The following NACC2 variants were observed in gnomAD, a reference collection of about 807,000 sequenced individuals.
The protein encoded by NACC2 is NACC family member 2.
NACC2 carries 8 observed loss-of-function variants against 25.1 expected under a neutral mutation model. That is an observed-to-expected ratio of 0.32 (90% CI 0.19 to 0.57). The LOEUF (loss-of-function observed/expected upper bound fraction) is 0.57, where lower values mean the gene tolerates loss of function less well. NACC2 is among the 20% of genes least tolerant of loss of function. The probability of loss-of-function intolerance (pLI) is 0.89; values close to 1 mark genes in which losing one functional copy is unlikely to be tolerated. For missense variants in NACC2, 644 were observed against 650.2 expected (o/e 0.99, Z 0.10); for synonymous variants, 435 against 294.7 (o/e 1.48, Z -4.88).
chr9:136,090,198 GC>G lies in NACC2; in HGVS notation c.-60+4990del, dbSNP rs377649244. Among the ~76,000 whole-genome samples, 99 of 152,348 alleles carry G rather than the reference GC, an allele frequency of 6.5e-4. No individual in the cohort carries two copies. The South Asian group carries it at 0.013, about 21-fold the overall frequency. ...GGGTGGTAGAAGGGAGATGGGCACA[GC>G]CCCCGAGGCAGATGCCCAGGGCCTG... On this transcript the variant is annotated intron_variant, in intron 1 of 5. Coordinates refer to ENST00000277554, the MANE Select transcript of NACC2 (RefSeq NM_144653.5).
intron 1 of NACC2, among the ~76,000 whole-genome samples, chr9:136,057,252 A>G (rs1840939085): frequency 6.6e-6 from 1 of 152,350 alleles, no homozygotes; most frequent in African/African-American, 2.4e-5. Context: ...GGCCACCAAC[A>G]CGCTCATCTC....
At chr9:136,061,584 G>A (rs1020389824) in intron 1 of NACC2, among the ~76,000 whole-genome samples, 6 of 152,118 alleles carry the variant, frequency 3.9e-5, no homozygotes, top group Admixed American at 1.3e-4. Context: ...GTACACGTTC[G>A]GGGGTTGAGA....
chr9:136,035,578 C>G (rs1171044722), intron 2 of NACC2, among the ~76,000 whole-genome samples: 1 of 152,190 alleles, frequency 6.6e-6, no homozygotes, highest in African/African-American at 2.4e-5. Context: ...GAAAAAACCA[C>G]TGCTCTAAAG....
intron 1 of NACC2, among the ~76,000 whole-genome samples, chr9:136,070,317 C>G (rs1008521900): frequency 2.0e-5 from 3 of 150,846 alleles, no homozygotes; most frequent in African/African-American, 7.4e-5. Context: ...ACCAGCCTGG[C>G]CAAGATGGTG....
At chr9:136,015,838 G>T (rs1401959394) in intron 3 of NACC2, among the ~76,000 whole-genome samples, 1 of 152,202 alleles carries the variant, frequency 6.6e-6, no homozygotes, top group Non-Finnish European at 1.5e-5. Flanking sequence ...CCTGAGCGAG[G>T]CCCGGCCCCC....
intron 2 of NACC2, among the ~76,000 whole-genome samples, chr9:136,030,309 T>A (rs1840455141): frequency 6.6e-6 from 1 of 152,068 alleles, no homozygotes; most frequent in Admixed American, 6.5e-5. Flanking sequence ...ATTCAGAAGA[T>A]CTTAAAGAGG....
chr9:136,034,652 G>T (rs1301888057), intron 2 of NACC2, among the ~76,000 whole-genome samples: 1 of 146,682 alleles, frequency 6.8e-6, no homozygotes, highest in African/African-American at 2.6e-5. Context: ...GCAAGAAAAT[G>T]CTTTAAAAAA....
intron 1 of NACC2, among the ~76,000 whole-genome samples, chr9:136,066,592 G>A (rs865882998): frequency 6.6e-5 from 10 of 152,284 alleles, no homozygotes; most frequent in African/African-American, 2.4e-4. Flanking sequence ...TCCTCAAAAG[G>A]TCAAATAGAA....
chr9:136,041,108 G>GAAGCAAAGGA (rs2131154568), intron 2 of NACC2, among the ~76,000 whole-genome samples: 1 of 151,834 alleles, frequency 6.6e-6, no homozygotes, highest in South Asian at 2.1e-4. Flanking sequence ...GGAAAGGAAG[G>GAAGCAAAGGA]AAGGAAAGGA....
intron 2 of NACC2, among the ~76,000 whole-genome samples, chr9:136,027,977 C>T (rs962928672): frequency 2.6e-5 from 4 of 152,084 alleles, no homozygotes; most frequent in African/African-American, 9.7e-5. Flanking sequence ...AAATTAACAT[C>T]GGCCTGGCAC....
intron 2 of NACC2, among the ~76,000 whole-genome samples, chr9:136,017,315 A>T (rs1404148706): frequency 6.6e-6 from 1 of 152,138 alleles, no homozygotes; most frequent in Non-Finnish European, 1.5e-5. Flanking sequence ...TGCCACCCCG[A>T]GGTCCCTGGG....
chr9:136,080,692 GGA>G (rs1488845094), intron 1 of NACC2, among the ~76,000 whole-genome samples: 1 of 152,194 alleles, frequency 6.6e-6, no homozygotes, highest in Non-Finnish European at 1.5e-5. Context: ...TATCTGATTT[GGA>G]GGTCGTGGAG....
At chr9:136,072,779 G>A (rs1037444099) in intron 1 of NACC2, among the ~76,000 whole-genome samples, 38 of 152,132 alleles carry the variant, frequency 2.5e-4, no homozygotes, top group Admixed American at 1.2e-3. Flanking sequence ...GAACTCAGGA[G>A]GCGGAGGCTG....
chr9:136,057,229 AGGCAT>A (rs1935034926), intron 1 of NACC2, among the ~76,000 whole-genome samples: 1 of 152,220 alleles, frequency 6.6e-6, no homozygotes, highest in Non-Finnish European at 1.5e-5. Context: ...GGCTCACCTG[AGGCAT>A]GGCCCCTGGC....
In NACC2 at chr9:136,019,500, A is replaced by G. The variant is rs1340834326; in HGVS notation, c.887-3071T>C. 2 of 152,304 alleles carry G rather than the reference A, an allele frequency of 1.3e-5. No individual in the cohort carries two copies. The highest frequency in any genetic ancestry group is 2.4e-5 in the African/African-American group (1 of 41,468). The allele number at this position is 152,304 out of a possible 1,614,324, so 9.4% of individuals were successfully genotyped here. ...ACCTTCACCCTCGACAGCCCTGTGA[A>G]GAAACTCAGGTGCCAGGACGGTGCC... On this transcript the variant is annotated intron_variant, in intron 2 of 5. Transcript: ENST00000277554. The surrounding 1 kb of genome is among the most constrained non-coding windows in gnomAD (Gnocchi z 5.2).
intron 1 of NACC2, among the ~76,000 whole-genome samples, chr9:136,057,838 G>GGTC (rs1259936175): frequency 6.6e-6 from 1 of 152,178 alleles, no homozygotes; most frequent in Non-Finnish European, 1.5e-5. Context: ...TTGTGGAAGC[G>GGTC]GTCGGATCCC....
intron 2 of NACC2, among the ~76,000 whole-genome samples, chr9:136,025,045 G>A (rs1283361891): frequency 6.6e-6 from 1 of 152,190 alleles, no homozygotes; most frequent in Non-Finnish European, 1.5e-5. Flanking sequence ...AAAAAAACAA[G>A]GAAATCTAGA....
intron 1 of NACC2, among the ~76,000 whole-genome samples, chr9:136,063,871 G>A (rs10858215): frequency 0.3 from 43,121 of 142,702 alleles, 6,961 homozygotes; most frequent in Non-Finnish European, 0.37. Context: ...GAAACAGAGC[G>A]AGACTCCATC....
chr9:136,059,122 A>C (rs963945436), intron 1 of NACC2, among the ~76,000 whole-genome samples: 2 of 152,224 alleles, frequency 1.3e-5, no homozygotes, highest in African/African-American at 4.8e-5. Context: ...AGCAGCACAG[A>C]AACAATCACA....
Sources: allele counts gnomAD v4.1 joint callset (sites outside exome capture counted in the v4.1 genomes callset), GRCh38; gene constraint gnomAD v4.1.1; non-coding constraint Gnocchi (gnomAD v3.1); transcripts MANE v1.5; gene names NCBI Gene and HGNC (gene_info 2026-07-23, HGNC 2026-07-21).